The following CIC variants were observed in gnomAD, a reference collection of about 807,000 sequenced individuals.
CIC encodes protein capicua homolog.
A neutral mutation model predicts 115.7 loss-of-function variants in CIC; 18 were observed. The ratio of observed to expected loss-of-function variants is 0.16; its 90% CI spans 0.11 to 0.23. CIC has a LOEUF of 0.23. Ranked by LOEUF, CIC falls within the 10% of genes least tolerant of loss-of-function variation. The probability of loss-of-function intolerance (pLI) is 1.00; values close to 1 mark genes in which losing one functional copy is unlikely to be tolerated. For synonymous variants in CIC, 1,076 were observed against 923.0 expected (o/e 1.17, Z -3.01); for missense variants, 2,000 against 2,159.3 (o/e 0.93, Z 1.46).
chr19:42,281,250 G>T (rs1270615723), intron 2 of CIC, among the ~76,000 whole-genome samples: 1 of 152,192 alleles, frequency 6.6e-6, no homozygotes, highest in Non-Finnish European at 1.5e-5. Flanking sequence ...GCAGGCGGCC[G>T]GCAGGGGTGC....
rs1254553108 is a variant in CIC, at chr19:42,288,949, G to A, written c.3720G>A (p.Pro1240=). 10 of 1,613,946 alleles carry A rather than the reference G, an allele frequency of 6.2e-6. No homozygotes were observed. Among genetic ancestry groups the A allele is most frequent in the Admixed American group, 5.0e-5 (3 of 60,002 alleles). Reference sequence around the variant, plus strand: ...TCCTGAGCTCAGACACCAAGGCTCCGGGGAGCAGCTCCTGTGGGGCAGAAC... The same window carrying A: ...TCCTGAGCTCAGACACCAAGGCTCCAGGGAGCAGCTCCTGTGGGGCAGAAC... ...QTLLSSDTKA[P]GSSSCGAERL... is the part of the protein sequence containing the mutation. Residue 1240 remains proline (P), a synonymous_variant, in exon 8 of 21, where the codon CCG becomes CCA. Transcript: ENST00000681038.
At chr19:42,284,857 G>A (rs1419461946) in intron 2 of CIC, 5 of 1,181,080 alleles carry the variant, frequency 4.2e-6, no homozygotes, top group Non-Finnish European at 4.9e-6. Flanking sequence ...GTATAGTAGG[G>A]GAGAGAACAG....
intron 1 of CIC, among the ~76,000 whole-genome samples, chr19:42,271,015 C>G (rs1186666099): frequency 6.7e-6 from 1 of 149,674 alleles, no homozygotes; most frequent in African/African-American, 2.5e-5. Context: ...CCTCGGGACT[C>G]TCAGCTGCCC....
In CIC at chr19:42,273,437, C is replaced by T. The variant is rs1053625942; in HGVS notation, c.1654C>T (p.Arg552Cys). The change falls in exon 2 of 21, where the codon CGT becomes TGT. Residue 552 changes from arginine to cysteine, a missense_variant. Physicochemically the swap from Arg to Cys is radical, Grantham distance 180 (BLOSUM62 -3). Around this residue, in one of 8 missense-constraint regions of CIC, gnomAD observed 222 missense variants for 247.7 expected, o/e 0.90. Coordinates refer to ENST00000681038, the MANE Select transcript of CIC (RefSeq NM_001386298.1). Reference sequence around the variant, plus strand: ...GGGCCGGCCCGCGGCCGTGGCAGCCCGTGAGGGCAGCACGGAGTTTGACTG... The same window carrying T: ...GGGCCGGCCCGCGGCCGTGGCAGCCTGTGAGGGCAGCACGGAGTTTGACTG... ...GAGRPAAVAA[R>C]EGSTEFDWGD... The T allele has an allele frequency of 2.5e-5, 10 of 398,380 alleles. No individual in the cohort carries two copies. The highest frequency in any genetic ancestry group is 6.2e-4 in the Middle Eastern group (1 of 1,612). The allele number at this position is 398,380 out of a possible 1,614,324, so 24.7% of individuals were successfully genotyped here.
intron 2 of CIC, among the ~76,000 whole-genome samples, chr19:42,283,429 G>A (rs1195055232): frequency 1.3e-5 from 2 of 152,172 alleles, no homozygotes; most frequent in African/African-American, 4.8e-5. Flanking sequence ...CCGTGAGCGT[G>A]TGAGGTTGTA....
At position 42,290,917 on chromosome 19, in the gene CIC, G is replaced by A. The variant is rs2038047383; in HGVS notation, c.4876G>A (p.Val1626Met). ...ARTEMGTGSR[V>M]PGGSPLGVSL... is the part of the protein sequence containing the mutation. ...GACTGAAATGGGCACTGGGTCTCGG[G>A]TGCCTGGGGGCTCCCCGCTGGGTGT... Residue 1626 changes from valine to methionine, a missense_variant, in exon 11 of 21, where the codon GTG becomes ATG. Around this residue, in one of 8 missense-constraint regions of CIC, gnomAD observed 1,466 missense variants for 1,390.4 expected, o/e 1.05. Coordinates refer to ENST00000681038, the MANE Select transcript of CIC (RefSeq NM_001386298.1). The A allele has an allele frequency of 6.2e-7, 1 of 1,613,590 alleles. No homozygotes were observed. The highest frequency in any genetic ancestry group is 2.2e-5 in the East Asian group (1 of 44,884).
At chr19:42,294,784 A>G (rs1163187066) in intron 20 of CIC, 40 bp from the exon 21 acceptor site, 16 of 1,608,686 alleles carry the variant, frequency 9.9e-6, no homozygotes, top group Non-Finnish European at 1.3e-5. Context: ...ACTTATCTGT[A>G]CATCTCATCC....
intron 2 of CIC, among the ~76,000 whole-genome samples, chr19:42,276,322 C>T (rs2036976396): frequency 6.6e-6 from 1 of 152,122 alleles, no homozygotes; most frequent in South Asian, 2.1e-4. Flanking sequence ...TGAACTGTAT[C>T]CTGAGGGTAC....
intron 1 of CIC, among the ~76,000 whole-genome samples, chr19:42,271,099 C>T (rs1301164976): frequency 2.0e-5 from 3 of 152,140 alleles, no homozygotes; most frequent in African/African-American, 7.2e-5. Flanking sequence ...TGGAGAAAGG[C>T]TCATATCACA....
Position 42,291,156 on chromosome 19 carries a change from A to G in CIC, c.5115A>G (p.Ala1705=), listed in dbSNP as rs368493951. 5.0e-6 allele frequency: 8 copies of G among 1,607,630 alleles called. No individual in the cohort carries two copies. Among genetic ancestry groups the G allele is most frequent in the Non-Finnish European group, 6.0e-6 (7 of 1,176,120 alleles). The change falls in exon 11 of 21, where the codon GCA becomes GCG. Residue 1705 remains alanine, a synonymous_variant. Coordinates refer to ENST00000681038, the MANE Select transcript of CIC (RefSeq NM_001386298.1). ...PGGGTTAGSG[A]GAGSGPNGPV... ...GTGGGACCACTGCGGGCTCAGGAGC[A>G]GGTGCTGGGAGTGGCCCCAATGGGC...
At chr19:42,277,417 C>T (rs1048748129) in intron 2 of CIC, among the ~76,000 whole-genome samples, 2 of 152,014 alleles carry the variant, frequency 1.3e-5, no homozygotes, top group African/African-American at 4.8e-5. Context: ...TTTAGTAGAG[C>T]CGAGGTTTCA....
chr19:42,289,413 A>G lies in CIC; in HGVS notation c.4087+7A>G. 1.9e-6 allele frequency: 3 copies of G among 1,564,796 alleles called. No homozygotes were observed. Among genetic ancestry groups the G allele is most frequent in the Non-Finnish European group, 2.6e-6 (3 of 1,154,334 alleles). ...GGGGATGATGATGTCATTGGTGAGC[A>G]TTGCAGGGCCCAGAATCTTGCCCAG... On this transcript the variant is annotated splice_region_variant and intron_variant, in intron 9 of 20. Transcript: ENST00000681038.
In CIC at chr19:42,270,754, G is replaced by A. The variant is rs1413402809; in HGVS notation, c.-10-1020G>A. On this transcript the variant is annotated intron_variant, in intron 1 of 20. Coordinates refer to ENST00000681038, the MANE Select transcript of CIC (RefSeq NM_001386298.1). This position sits in a 1 kb window ranked among gnomAD's most constrained non-coding sequence, Gnocchi z 4.1. ...GGTATCACGCTGGGTGCTGTGGGGGGAGGAGCAGGCTCCCATCCAGTGGGA... is the reference window on the plus strand; with the variant it reads ...GGTATCACGCTGGGTGCTGTGGGGGAAGGAGCAGGCTCCCATCCAGTGGGA... Among the ~76,000 whole-genome samples the A allele has an allele frequency of 6.6e-6, 1 of 152,132 alleles. No individual in the cohort carries two copies. The highest frequency in any genetic ancestry group is 6.5e-5 in the Admixed American group (1 of 15,282).
At chr19:42,290,173 G>A in intron 10 of CIC, 60 bp from the exon 11 acceptor site, 1 of 1,609,244 alleles carries the variant, frequency 6.2e-7, no homozygotes, top group Admixed American at 1.7e-5. Flanking sequence ...CATGGCTAGG[G>A]GGCTGCTATC....
Position 42,273,780 on chromosome 19 carries a change from G to A in CIC, c.1997G>A (p.Ser666Asn). 1 of 398,706 alleles carries A rather than the reference G, an allele frequency of 2.5e-6. No homozygotes were observed. Among genetic ancestry groups the A allele is most frequent in the Non-Finnish European group, 4.4e-6 (1 of 226,086 alleles). 24.7% of individuals were successfully genotyped at this position (398,706 alleles called of 1,614,324 possible). Residue 666 changes from serine to asparagine, a missense_variant, in exon 2 of 21, where the codon AGC (serine) becomes AAC (asparagine). By Grantham distance (46) the Ser-to-Asn change is conservative. Coordinates refer to ENST00000681038, the MANE Select transcript of CIC (RefSeq NM_001386298.1). Reference sequence around the variant, plus strand: ...GTCCGCAGTCGCCACCTGAGCGCCAGCACCCCTAAGGCAGGCGTGCTGACG... The same window carrying A: ...GTCCGCAGTCGCCACCTGAGCGCCAACACCCCTAAGGCAGGCGTGCTGACG... ...TAVRSRHLSASTPKAGVLTPP... is the reference protein window; with the variant it reads ...TAVRSRHLSANTPKAGVLTPP...
At position 42,273,871 on chromosome 19, in the gene CIC, A is replaced by C. The variant is rs2036870678; in HGVS notation, c.2088A>C (p.Leu696=). ...APRERHSSGI[L]PTFQTNLTFT... is the part of the protein sequence containing the mutation. ...GAGAGCGCCACTCCTCTGGAATCCT[A>C]CCCACCTTCCAGACCAACCTGACCT... The change falls in exon 2 of 21, where the codon CTA becomes CTC. Residue 696 remains leucine, a synonymous_variant. Coordinates refer to ENST00000681038, the MANE Select transcript of CIC (RefSeq NM_001386298.1). The C allele has an allele frequency of 2.5e-6, 1 of 397,390 alleles. No individual in the cohort carries two copies. The highest frequency in any genetic ancestry group is 2.1e-5 in the African/African-American group (1 of 48,096). The allele number at this position is 397,390 out of a possible 1,614,324, so 24.6% of individuals were successfully genotyped here.
rs1187152636 is a variant in CIC, at chr19:42,273,804, C to T, written c.2021C>T (p.Thr674Met). The T allele has an allele frequency of 1.5e-5, 6 of 398,770 alleles. No individual in the cohort carries two copies. The highest frequency in any genetic ancestry group is 1.1e-4 in the East Asian group (3 of 28,062). The allele number at this position is 398,770 out of a possible 1,614,324, so 24.7% of individuals were successfully genotyped here. Residue 674 changes from threonine (T) to methionine (M), a missense_variant, in exon 2 of 21, where the codon ACG (threonine) becomes ATG (methionine). Transcript: ENST00000681038. ...SASTPKAGVL[T>M]PPDLGPHPPP... Reference sequence around the variant, plus strand: ...AGCACCCCTAAGGCAGGCGTGCTGACGCCACCAGACCTGGGCCCCCACCCA... The same window carrying T: ...AGCACCCCTAAGGCAGGCGTGCTGATGCCACCAGACCTGGGCCCCCACCCA...
Position 42,273,907 on chromosome 19 carries a change from C to T in CIC, c.2124C>T (p.Pro708=), listed in dbSNP as rs996947396. Residue 708 remains proline (P), a synonymous_variant, in exon 2 of 21, where the codon CCC becomes CCT. Transcript: ENST00000681038. ...TFQTNLTFTV[P]ISPGRRKTEL... ...AGACCAACCTGACCTTCACCGTGCC[C>T]ATCAGCCCTGGGCGACGGAAGACAG... 9 of 398,472 alleles carry T rather than the reference C, an allele frequency of 2.3e-5. No individual in the cohort carries two copies. The highest frequency in any genetic ancestry group is 7.1e-5 in the East Asian group (2 of 28,054). The allele number at this position is 398,472 out of a possible 1,614,324, so 24.7% of individuals were successfully genotyped here.
intron 2 of CIC, among the ~76,000 whole-genome samples, chr19:42,277,066 G>A (rs1318991146): frequency 3.9e-5 from 6 of 152,176 alleles, no homozygotes; most frequent in Non-Finnish European, 7.4e-5. Flanking sequence ...AGCAGCACTG[G>A]TGATGCACGT....
Sources: allele counts gnomAD v4.1 joint callset (sites outside exome capture counted in the v4.1 genomes callset), GRCh38; gene constraint gnomAD v4.1.1; regional missense constraint gnomAD v4.1.1; non-coding constraint Gnocchi (gnomAD v3.1); transcripts MANE v1.5; gene names NCBI Gene and HGNC (gene_info 2026-07-23, HGNC 2026-07-21).